AMZ2: variants seen among roughly 807,000 people sequenced by gnomAD.
AMZ2 encodes archaemetzincin-2.
In AMZ2, 26 loss-of-function variants were observed where a neutral mutation model predicts 36.7. That is an observed-to-expected ratio of 0.71 (90% CI 0.52 to 0.98). The LOEUF (loss-of-function observed/expected upper bound fraction) is 0.98. Ranked by LOEUF, AMZ2 falls within the 50% of genes least tolerant of loss-of-function variation. AMZ2 has a pLI of 0.00. For missense variants in AMZ2, 394 were observed against 430.5 expected (o/e 0.92, Z 0.75); for synonymous variants, 144 against 149.1 (o/e 0.97, Z 0.25).
intron 1 of AMZ2, among the ~76,000 whole-genome samples, chr17:68,215,280 A>C (rs2073168007): frequency 6.8e-6 from 1 of 146,234 alleles, no homozygotes; most frequent in African/African-American, 2.6e-5. Context: ...TTGCTCCCTT[A>C]CCTCCCAAAC....
Position 68,213,951 on chromosome 17 carries a change from C to T in AMZ2, c.-67+7713C>T, listed in dbSNP as rs1751726392. Among the ~76,000 whole-genome samples the T allele has an allele frequency of 1.3e-5, 2 of 151,430 alleles. 1 individual carries two copies. The highest frequency in any genetic ancestry group is 4.2e-4 in the South Asian group (2 of 4,806). On this transcript the variant is annotated intron_variant, in intron 1 of 7. Transcript: ENST00000674770. ...CTAAGAGCTCTTTTGTTTTTAGAAT[C>T]TTCCTTTAAAAAAATTAGTAAAATC... is the stretch of plus-strand genomic sequence containing the variant.
intron 1 of AMZ2, among the ~76,000 whole-genome samples, chr17:68,224,329 C>A (rs532173631): frequency 2.0e-5 from 3 of 152,130 alleles, no homozygotes; most frequent in Non-Finnish European, 4.4e-5. Context: ...CTTCTGTGAT[C>A]GGTAAACAAG....
intron 1 of AMZ2, among the ~76,000 whole-genome samples, chr17:68,233,967 C>T (rs1364225668): frequency 1.2e-4 from 18 of 152,132 alleles, no homozygotes; most frequent in Non-Finnish European, 4.4e-5. Context: ...CCAACAACTA[C>T]GCTTTGTTTT....
chr17:68,254,778 T>C (rs1159665965), intron 5 of AMZ2, among the ~76,000 whole-genome samples: 1 of 152,242 alleles, frequency 6.6e-6, no homozygotes, highest in Non-Finnish European at 1.5e-5. Flanking sequence ...AGTTTTTCTG[T>C]ACTACTAGTT....
In AMZ2 at chr17:68,235,522, C is replaced by T. The variant is rs1555732303; in HGVS notation, c.-66-13118C>T. Among the ~76,000 whole-genome samples, 7 of 152,276 alleles carry T rather than the reference C, an allele frequency of 4.6e-5. No homozygotes were observed. Among genetic ancestry groups the T allele is most frequent in the South Asian group, 4.1e-4 (2 of 4,824 alleles). On this transcript the variant is annotated intron_variant, in intron 1 of 7. Transcript: ENST00000674770. This position sits in a 1 kb window ranked among gnomAD's most constrained non-coding sequence, Gnocchi z 4.2. ...CGCCCTCTCACTGTGGCACACGGGCCTGAGCCTCAGGAACACTGCAAAGTA... is the reference window on the plus strand; with the variant it reads ...CGCCCTCTCACTGTGGCACACGGGCTTGAGCCTCAGGAACACTGCAAAGTA...
At chr17:68,217,851 C>T (rs1159461812) in intron 1 of AMZ2, among the ~76,000 whole-genome samples, 10 of 142,034 alleles carry the variant, frequency 7.0e-5, no homozygotes, top group South Asian at 6.6e-4. Flanking sequence ...CTGGCTCTGT[C>T]GCCCAGGCTG....
chr17:68,255,614 T>C, intron 5 of AMZ2, 86 bp from the exon 6 acceptor site: 4 of 1,407,942 alleles, frequency 2.8e-6, no homozygotes, highest in South Asian at 2.6e-5. Context: ...TTGATTCCTA[T>C]GTTTCTTGGA....
intron 1 of AMZ2, among the ~76,000 whole-genome samples, chr17:68,234,939 G>C (rs2073752271): frequency 1.3e-5 from 2 of 152,082 alleles, no homozygotes; most frequent in African/African-American, 4.8e-5. Context: ...CGCTTGAACC[G>C]AGGAGAGGGA....
chr17:68,234,433 A>C (rs1445149899), intron 1 of AMZ2, among the ~76,000 whole-genome samples: 21 of 151,770 alleles, frequency 1.4e-4, no homozygotes, highest in Admixed American at 2.0e-4. Flanking sequence ...TTGTCTCAAA[A>C]AAAAAAAAAT....
intron 1 of AMZ2, among the ~76,000 whole-genome samples, chr17:68,228,920 C>T (rs1246581900): frequency 2.0e-5 from 3 of 152,228 alleles, no homozygotes; most frequent in African/African-American, 7.2e-5. Context: ...TGTGTAGTAT[C>T]CTGGCCCCGT....
At chr17:68,240,630 AAATG>A (rs1303803353) in intron 1 of AMZ2, among the ~76,000 whole-genome samples, 6 of 152,238 alleles carry the variant, frequency 3.9e-5, no homozygotes, top group Admixed American at 3.9e-4. Flanking sequence ...GTGAGCCACA[AAATG>A]AATGGGAAGA....
chr17:68,256,805 T>C lies in AMZ2; in HGVS notation c.928-9T>C, dbSNP rs372212003. The C allele has an allele frequency of 6.8e-5, 109 of 1,608,682 alleles. 1 individual carries two copies. In the African/African-American group the frequency reaches 1.1e-3, roughly 16 times the overall value. ...TTTGTTGAAGTGCGCATCTTTCATG[T>C]TTTTCCAGGCACTGGTGAGGTGGAT... On this transcript the variant is annotated splice_polypyrimidine_tract_variant and intron_variant, in intron 6 of 6. Coordinates refer to ENST00000359904, the MANE Select transcript of AMZ2 (RefSeq NM_016627.5).
At chr17:68,221,687 C>T (rs2073371027) in intron 1 of AMZ2, among the ~76,000 whole-genome samples, 1 of 151,896 alleles carries the variant, frequency 6.6e-6, no homozygotes, top group Admixed American at 6.6e-5. Context: ...GAGATCACAC[C>T]ACTGCACTCC....
chr17:68,250,483 A>G lies in AMZ2; in HGVS notation c.283+13A>G. On this transcript the variant is annotated intron_variant, in intron 2 of 6. Coordinates refer to ENST00000359904, the MANE Select transcript of AMZ2 (RefSeq NM_016627.5). Reference sequence around the variant, plus strand: ...ATACAGTCCATTGGTAAATACTGGTAATGTGCTGGTTTTGGTTCAGTTTTG... The same window carrying G: ...ATACAGTCCATTGGTAAATACTGGTGATGTGCTGGTTTTGGTTCAGTTTTG... 1.2e-6 allele frequency: 2 copies of G among 1,611,150 alleles called. No homozygotes were observed. Among genetic ancestry groups the G allele is most frequent in the African/African-American group, 1.3e-5 (1 of 74,946 alleles).
chr17:68,251,021 C>A (rs1555739439), intron 3 of AMZ2, 29 bp from the exon 4 acceptor site: 1 of 1,605,692 alleles, frequency 6.2e-7, no homozygotes, highest in South Asian at 1.1e-5. Context: ...AATATACACT[C>A]ATACATTTAT....
At chr17:68,252,532 C>T (rs1430879511) in intron 4 of AMZ2, among the ~76,000 whole-genome samples, 2 of 152,160 alleles carry the variant, frequency 1.3e-5, no homozygotes, top group Non-Finnish European at 2.9e-5. Context: ...GAGACAGAGT[C>T]TCCCTCTGTC....
intron 1 of AMZ2, among the ~76,000 whole-genome samples, chr17:68,224,943 G>A (rs2073474533): frequency 6.6e-6 from 1 of 151,566 alleles, no homozygotes; most frequent in African/African-American, 2.4e-5. Context: ...TTTGGGAGGC[G>A]GAGGCGGGTG....
chr17:68,243,523 A>C (rs1555734526), upstream of AMZ2, among the ~76,000 whole-genome samples: 1 of 152,260 alleles, frequency 6.6e-6, no homozygotes, highest in Non-Finnish European at 1.5e-5. Context: ...ATGCTTTTCC[A>C]GTCTCCAATA....
rs1475357278 is a variant in AMZ2 at position 68,248,531 on chromosome 17, C to T, written c.-175C>T. ...GAATTCTGCGCCCCCTGCCCATCTT[C>T]TCCCGCAGCTTCCCTAGATTAGGCT... On this transcript the variant is annotated 5_prime_UTR_variant, in exon 1 of 7. Transcript: ENST00000359904. 1.0e-6 allele frequency: 1 copy of T among 986,072 alleles called. No homozygotes were observed. The highest frequency in any genetic ancestry group is 1.7e-5 in the African/African-American group (1 of 57,264). 61.1% of individuals were successfully genotyped at this position (986,072 alleles called of 1,614,324 possible).
Sources: allele counts gnomAD v4.1 joint callset (sites outside exome capture counted in the v4.1 genomes callset), GRCh38; gene constraint gnomAD v4.1.1; non-coding constraint Gnocchi (gnomAD v3.1); transcripts MANE v1.5; gene names NCBI Gene and HGNC (gene_info 2026-07-23, HGNC 2026-07-21).